Variants in IL34 observed in about 807,000 individuals in gnomAD.
The protein encoded by IL34 is interleukin-34.
In IL34, 17 loss-of-function variants were observed where a neutral mutation model predicts 25.3. The observed-to-expected ratio is 0.67, with a 90% CI of 0.46 to 1.01. IL34 has a LOEUF of 1.01. IL34 is among the 50% of genes least tolerant of loss of function. The pLI, the probability that IL34 is intolerant of heterozygous loss-of-function variation, is 0.00. For synonymous variants in IL34, 174 were observed against 140.9 expected (o/e 1.23, Z -1.66); for missense variants, 368 against 312.9 (o/e 1.18, Z -1.33).
chr16:70,585,465 G>T (rs765375454), intron 1 of IL34, among the ~76,000 whole-genome samples: 1 of 152,078 alleles, frequency 6.6e-6, no homozygotes, highest in East Asian at 1.9e-4. Context: ...GGCCGAGGCA[G>T]ATGGATTACG....
chr16:70,657,263 G>A (rs1435039940), intron 4 of IL34, 142 bp downstream of exon 4: 15 of 859,776 alleles, frequency 1.7e-5, no homozygotes, highest in Admixed American at 2.8e-5. Context: ...TGGGAGAAGT[G>A]GGGGAGGGGT....
intron 1 of IL34, among the ~76,000 whole-genome samples, chr16:70,634,405 C>T (rs905281661): frequency 1.7e-4 from 26 of 152,194 alleles, no homozygotes; most frequent in Non-Finnish European, 2.1e-4. Context: ...CCAGGCTGGG[C>T]GCAGTGGCTC....
At chr16:70,622,826 A>G (rs1172395366) in intron 1 of IL34, among the ~76,000 whole-genome samples, 3 of 152,016 alleles carry the variant, frequency 2.0e-5, no homozygotes, top group Non-Finnish European at 4.4e-5. Flanking sequence ...GAGTGAGTTG[A>G]GCATAGTTTG....
intron 1 of IL34, among the ~76,000 whole-genome samples, chr16:70,581,259 T>C (rs1203294087): frequency 6.6e-6 from 1 of 152,168 alleles, no homozygotes; most frequent in African/African-American, 2.4e-5. Context: ...AACTAGATGT[T>C]GTTTTAAGGT....
chr16:70,653,153 C>T (rs2052122618), intron 1 of IL34, among the ~76,000 whole-genome samples: 2 of 152,008 alleles, frequency 1.3e-5, no homozygotes, highest in South Asian at 2.1e-4. Context: ...GTGGAGGTTA[C>T]GGTGAGCTGA....
At chr16:70,655,052 A>C (rs1322392687) in intron 2 of IL34, among the ~76,000 whole-genome samples, 1 of 148,420 alleles carries the variant, frequency 6.7e-6, no homozygotes, top group African/African-American at 2.6e-5. Flanking sequence ...GTGTGGCTCT[A>C]TGTATCTTTT....
intron 1 of IL34, among the ~76,000 whole-genome samples, chr16:70,590,413 C>G (rs2050739249): frequency 6.6e-6 from 1 of 152,152 alleles, no homozygotes; most frequent in African/African-American, 2.4e-5. Context: ...AAGGAGGTGC[C>G]TGTGCGAGGT....
intron 1 of IL34, among the ~76,000 whole-genome samples, chr16:70,611,293 G>A (rs1454681188): frequency 1.3e-5 from 2 of 152,100 alleles, no homozygotes; most frequent in African/African-American, 2.4e-5. Context: ...GCCTGAACTC[G>A]CTCTTGTATC....
chr16:70,634,172 C>T (rs1003752254), intron 1 of IL34, among the ~76,000 whole-genome samples: 1 of 152,016 alleles, frequency 6.6e-6, no homozygotes, highest in Non-Finnish European at 1.5e-5. Flanking sequence ...CTTATCAGGA[C>T]ACCAGTCATT....
upstream of IL34, among the ~76,000 whole-genome samples, chr16:70,645,159 AGAAGGAGGAAGAG>A (rs1014299621): frequency 3.3e-5 from 5 of 150,172 alleles, no homozygotes; most frequent in South Asian, 2.1e-4. Context: ...GAGGAGGAAG[AGAAGGAGGAAGAG>A]GAAGGAGGAA....
chr16:70,599,056 GT>G (rs2050866651), intron 1 of IL34, among the ~76,000 whole-genome samples: 1 of 152,154 alleles, frequency 6.6e-6, no homozygotes, highest in Non-Finnish European at 1.5e-5. Context: ...CAAGGCTAGG[GT>G]CATGCATGTT....
rs1474687653 is a variant in IL34 at position 70,617,011 on chromosome 16, G to A, written c.-400-29537G>A. ...GGGGTGGTATGGAGAGAGAGTGGGC[G>A]ATGTTTCTCAGGGTTGCTTCAAGCA... On this transcript the variant is annotated intron_variant, in intron 1 of 6. Transcript: ENST00000429149. Among the ~76,000 whole-genome samples the A allele has an allele frequency of 3.9e-5, 6 of 152,132 alleles. No homozygotes were observed. In the East Asian group the frequency reaches 7.7e-4, roughly 20 times the overall value.
Position 70,646,602 on chromosome 16 carries a change from C to T in IL34, c.-346C>T, listed in dbSNP as rs2051936311. On this transcript the variant is annotated 5_prime_UTR_variant, in exon 1 of 6. Transcript: ENST00000288098. ...CGGAGAAATCAGAGAAAGCGTCACC[C>T]AGCCCCAGATTCCGAGGGGCCTGCC... 1.2e-5 allele frequency: 4 copies of T among 343,932 alleles called. No homozygotes were observed. Among genetic ancestry groups the T allele is most frequent in the Non-Finnish European group, 2.1e-5 (4 of 191,494 alleles). 21.3% of individuals were successfully genotyped at this position (343,932 alleles called of 1,614,324 possible).
At position 70,630,960 on chromosome 16, in the gene IL34, T is replaced by G. The variant is rs528894016; in HGVS notation, c.-400-15588T>G. 2.6e-5 allele frequency among the ~76,000 whole-genome samples: 4 copies of G among 152,174 alleles called. No individual in the cohort carries two copies. The South Asian group carries it at 8.3e-4, about 32-fold the overall frequency. On this transcript the variant is annotated intron_variant, in intron 1 of 6. Transcript: ENST00000429149. The stretch of plus-strand genomic sequence containing the variant: ...AATAGTGCTGCAATAAACATGGGAG[T>G]GCCGATATGTCTTCAATATACTGAT...
chr16:70,604,499 G>A (rs1461360498), intron 1 of IL34, among the ~76,000 whole-genome samples: 1 of 152,184 alleles, frequency 6.6e-6, no homozygotes, highest in African/African-American at 2.4e-5. Context: ...GCAGCCTGTG[G>A]GTGTCTGCCT....
rs759251394 is a variant in IL34, at chr16:70,657,041, G to A, written c.322G>A (p.Val108Met). Residue 108 changes from valine (V) to methionine (M), a missense_variant, in exon 4 of 6, where the codon GTG (valine) becomes ATG (methionine). Coordinates refer to ENST00000288098, the MANE Select transcript of IL34 (RefSeq NM_001393494.1). ...SLSATESVQD[V>M]LLEGHPSWKY... is the part of the protein sequence containing the mutation. The stretch of plus-strand genomic sequence containing the variant: ...CAGTGCCACTGAGTCGGTGCAGGAC[G>A]TGCTGCTCGAGGGCCACCCATCCTG... 1.2e-5 allele frequency: 20 copies of A among 1,612,720 alleles called. No homozygotes were observed. Among genetic ancestry groups the A allele is most frequent in the East Asian group, 2.2e-5 (1 of 44,870 alleles).
At chr16:70,592,588 A>C (rs1394496327) in intron 1 of IL34, among the ~76,000 whole-genome samples, 1 of 152,188 alleles carries the variant, frequency 6.6e-6, no homozygotes, top group African/African-American at 2.4e-5. Context: ...AATAGCTTTT[A>C]AACTTCCTTA....
At chr16:70,592,606 T>C (rs994513200) in intron 1 of IL34, among the ~76,000 whole-genome samples, 1 of 152,170 alleles carries the variant, frequency 6.6e-6, no homozygotes, top group African/African-American at 2.4e-5. Context: ...TTAAAAAAAA[T>C]CAGTAGACTT....
intron 1 of IL34, among the ~76,000 whole-genome samples, chr16:70,605,613 T>G (rs2050990774): frequency 6.6e-6 from 1 of 152,196 alleles, no homozygotes; most frequent in Non-Finnish European, 1.5e-5. Flanking sequence ...AGAAAACAGC[T>G]TATTGAAGTT....
Sources: gnomAD v4.1 joint callset for allele counts (sites outside exome capture counted in the v4.1 genomes callset) on GRCh38, gnomAD v4.1.1 for gene constraint, MANE v1.5 for transcripts, NCBI Gene and HGNC (gene_info 2026-07-23, HGNC 2026-07-21) for gene names.